The following RASGRP4 variants were observed in gnomAD, a reference collection of about 807,000 sequenced individuals.
The protein encoded by RASGRP4 is RAS guanyl releasing protein 4.
In RASGRP4, 52 loss-of-function variants were observed where a neutral mutation model predicts 84.4. That is an observed-to-expected ratio of 0.62 (90% CI 0.49 to 0.78). The LOEUF is 0.78. RASGRP4 is among the 30% of genes least tolerant of loss of function. The probability of loss-of-function intolerance (pLI) is 0.00; values close to 1 mark genes in which losing one functional copy is unlikely to be tolerated. For synonymous variants in RASGRP4, 356 were observed against 359.1 expected, an observed-to-expected ratio of 0.99 and a Z score of 0.10; for missense variants, 760 against 886.9, an observed-to-expected ratio of 0.86 and a Z score of 1.82.
intron 2 of RASGRP4, among the ~76,000 whole-genome samples, chr19:38,421,642 G>T (rs942783450): frequency 6.6e-6 from 1 of 152,012 alleles, no homozygotes; most frequent in Non-Finnish European, 1.5e-5. Flanking sequence ...AACCCAGGAG[G>T]TGGGGGTTGC....
chr19:38,425,564 C>T (rs1232147992), intron 1 of RASGRP4, among the ~76,000 whole-genome samples: 1 of 152,158 alleles, frequency 6.6e-6, no homozygotes, highest in African/African-American at 2.4e-5. Context: ...GACAGAAGGG[C>T]CAGCTTGCCC....
chr19:38,420,370 A>G (rs2145229285), intron 4 of RASGRP4, 108 bp from the exon 5 acceptor site: 1 of 1,164,096 alleles, frequency 8.6e-7, no homozygotes, highest in Non-Finnish European at 1.1e-6. Flanking sequence ...GGGTCTCTAA[A>G]TGTGTGTGGG....
chr19:38,421,180 G>A lies in RASGRP4; in HGVS notation c.229C>T (p.His77Tyr). The change falls in exon 3 of 17, where the codon CAC (histidine) becomes TAC (tyrosine). Residue 77 changes from histidine to tyrosine, a missense_variant. Coordinates refer to ENST00000615439, the MANE Select transcript of RASGRP4 (RefSeq NM_170604.3). ...QSFDSAGSLC[H>Y]EDHMLNMVLA... ...ACCATGTTGAGCATGTGGTCCTCGT[G>A]GCACAGGCTGCCAGCTGAATCTGGG... is the stretch of plus-strand genomic sequence containing the variant. 2 of 1,613,534 alleles carry A rather than the reference G, an allele frequency of 1.2e-6. No individual in the cohort carries two copies.
Position 38,418,655 on chromosome 19 carries a change from T to G in RASGRP4, c.664-91A>C. The stretch of plus-strand genomic sequence containing the variant: ...CTAGCAGTCACGATCTCTGATGTCC[T>G]AGCCTGGTCTAGCCGGAGTGACCTT... On this transcript the variant is annotated intron_variant, in intron 6 of 16. Transcript: ENST00000615439. This position sits in a 1 kb window ranked among gnomAD's most constrained non-coding sequence, Gnocchi z 4.6. 1 of 1,235,344 alleles carries G rather than the reference T, an allele frequency of 8.1e-7. No individual in the cohort carries two copies. The highest frequency in any genetic ancestry group is 1.1e-6 in the Non-Finnish European group (1 of 921,038). 76.5% of individuals were successfully genotyped at this position (1,235,344 alleles called of 1,614,324 possible).
chr19:38,415,371 ATTT>A (rs35862695), intron 8 of RASGRP4, among the ~76,000 whole-genome samples: 37 of 124,968 alleles, frequency 3.0e-4, no homozygotes, highest in African/African-American at 1.0e-3. Flanking sequence ...TTTCTTTTTG[ATTT>A]TTTTTTTTTT....
chr19:38,419,040 A>G (rs907345607), intron 6 of RASGRP4, among the ~76,000 whole-genome samples: 7 of 152,156 alleles, frequency 4.6e-5, no homozygotes, highest in Admixed American at 4.6e-4. Flanking sequence ...TTTCATACCC[A>G]CATCCACTAC....
Position 38,421,950 on chromosome 19 carries a change from C to T in RASGRP4, c.208+19G>A. On this transcript the variant is annotated intron_variant, in intron 2 of 16. Transcript: ENST00000615439. Reference sequence around the variant, plus strand: ...CCCGAGGTTAGGGCCAGGGAGGCTGCTGGGGAGAGGACACTTACCGAAGGA... The same window carrying T: ...CCCGAGGTTAGGGCCAGGGAGGCTGTTGGGGAGAGGACACTTACCGAAGGA... 6.2e-7 allele frequency: 1 copy of T among 1,600,812 alleles called. No individual in the cohort carries two copies. Among genetic ancestry groups the T allele is most frequent in the East Asian group, 2.2e-5 (1 of 44,474 alleles).
At chr19:38,425,272 G>A (rs1049663510) in intron 1 of RASGRP4, among the ~76,000 whole-genome samples, 1 of 152,116 alleles carries the variant, frequency 6.6e-6, no homozygotes, top group African/African-American at 2.4e-5. Flanking sequence ...CAGTTCTGAG[G>A]CTCGCTCCAG....
rs1163474939 is a variant in RASGRP4, at chr19:38,413,494, T to TA, written c.1231-21dup. On this transcript the variant is annotated intron_variant, in intron 9 of 16. Transcript: ENST00000615439. The surrounding 1 kb of genome is among the most constrained non-coding windows in gnomAD (Gnocchi z 4.7). ...GGAGAGCTGGAGCAGACAGGGGTGT[T>TA]ACGGATCCTCCCATCTATAGCCCTG... 1 of 1,572,362 alleles carries TA rather than the reference T, an allele frequency of 6.4e-7. No individual in the cohort carries two copies. Among genetic ancestry groups the TA allele is most frequent in the Non-Finnish European group, 8.6e-7 (1 of 1,157,164 alleles).
chr19:38,425,183 C>CAA (rs570185454), intron 1 of RASGRP4, among the ~76,000 whole-genome samples: 6 of 67,612 alleles, frequency 8.9e-5, no homozygotes, highest in South Asian at 5.2e-4. Flanking sequence ...GACTCCGTCT[C>CAA]AAAAAAAAAA....
At chr19:38,423,267 G>A (rs1971836478) in intron 1 of RASGRP4, among the ~76,000 whole-genome samples, 1 of 152,206 alleles carries the variant, frequency 6.6e-6, no homozygotes, top group East Asian at 1.9e-4. Flanking sequence ...GCTCACGCCT[G>A]TAATCCCAAA....
Position 38,420,075 on chromosome 19 carries a change from G to A in RASGRP4, c.509+56C>T. ...ACAGTTGAGGGCTTGGGGATATAGA[G>A]GGAGATGGCAGAATGGCGATGGGGC... On this transcript the variant is annotated intron_variant, in intron 5 of 16. Transcript: ENST00000615439. 4 of 1,608,516 alleles carry A rather than the reference G, an allele frequency of 2.5e-6. No homozygotes were observed. The South Asian group carries it at 4.4e-5, about 18-fold the overall frequency.
rs1373949612 is a variant in RASGRP4, at chr19:38,414,908, C to G, written c.1170G>C (p.Val390=). 1 of 1,610,650 alleles carries G rather than the reference C, an allele frequency of 6.2e-7. No individual in the cohort carries two copies. The highest frequency in any genetic ancestry group is 1.7e-5 in the Admixed American group (1 of 59,464). The change falls in exon 9 of 17, where the codon GTG becomes GTC. Residue 390 remains valine (V), a synonymous_variant. Coordinates refer to ENST00000615439, the MANE Select transcript of RASGRP4 (RefSeq NM_170604.3). Reference sequence around the variant, plus strand: ...AGGGTGGATGCTGCCCTTGGAGGGCCACCAGCTCCTGCAGCCGCAGGTAGA... The same window carrying G: ...AGGGTGGATGCTGCCCTTGGAGGGCGACCAGCTCCTGCAGCCGCAGGTAGA... The part of the protein sequence containing the change: ...NNLYLRLQEL[V]ALQGQHPPCS...
Position 38,418,262 on chromosome 19 carries a change from C to T in RASGRP4, c.837+129G>A, listed in dbSNP as rs1250039861. 3 of 951,100 alleles carry T rather than the reference C, an allele frequency of 3.2e-6. No individual in the cohort carries two copies. The highest frequency in any genetic ancestry group is 1.7e-5 in the African/African-American group (1 of 60,324). 58.9% of individuals were successfully genotyped at this position (951,100 alleles called of 1,614,324 possible). Reference sequence around the variant, plus strand: ...CTTGGTTGGAATGCCCAGGCTGTGGCCTCGGGGGCGGGGCCGGGAGATGCG... The same window carrying T: ...CTTGGTTGGAATGCCCAGGCTGTGGTCTCGGGGGCGGGGCCGGGAGATGCG... On this transcript the variant is annotated intron_variant, in intron 7 of 16. Coordinates refer to ENST00000615439, the MANE Select transcript of RASGRP4 (RefSeq NM_170604.3). This position sits in a 1 kb window ranked among gnomAD's most constrained non-coding sequence, Gnocchi z 4.6.
chr19:38,415,703 C>T (rs1328955320), intron 8 of RASGRP4, among the ~76,000 whole-genome samples: 3 of 151,850 alleles, frequency 2.0e-5, no homozygotes, highest in Non-Finnish European at 4.4e-5. Context: ...AGGCTAGGGT[C>T]TCACTCTGTC....
chr19:38,413,290 G>T lies in RASGRP4; in HGVS notation c.1319C>A (p.Ser440Tyr). The change falls in exon 11 of 17, where the codon TCC (serine) becomes TAC (tyrosine). Residue 440 changes from serine to tyrosine, a missense_variant. Transcript: ENST00000615439. This position sits in a 1 kb window ranked among gnomAD's most constrained non-coding sequence, Gnocchi z 4.7. ...CACCACCAGAGGTGCATTGAAGGGG[G>T]AGGGTGGCTGGGGCGGGGACAGAGG... ...EPRCPKSLPP[S>Y]PFNAPLVVEW... The T allele has an allele frequency of 6.2e-7, 1 of 1,613,596 alleles. No individual in the cohort carries two copies. The highest frequency in any genetic ancestry group is 8.5e-7 in the Non-Finnish European group (1 of 1,179,630).
chr19:38,412,665 T>C lies in RASGRP4; in HGVS notation c.1680+7A>G. ...ACCTAAGGGTGGTGATGGGGTGGGGTGCTCACGAAGCCACTGCAGCTGTCG... is the reference window on the plus strand; with the variant it reads ...ACCTAAGGGTGGTGATGGGGTGGGGCGCTCACGAAGCCACTGCAGCTGTCG... On this transcript the variant is annotated splice_region_variant and intron_variant, in intron 13 of 16. Coordinates refer to ENST00000615439, the MANE Select transcript of RASGRP4 (RefSeq NM_170604.3). This position sits in a 1 kb window ranked among gnomAD's most constrained non-coding sequence, Gnocchi z 4.6. 1 of 1,611,270 alleles carries C rather than the reference T, an allele frequency of 6.2e-7. No individual in the cohort carries two copies. The highest frequency in any genetic ancestry group is 1.1e-5 in the South Asian group (1 of 90,774).
chr19:38,422,167 C>T lies in RASGRP4; in HGVS notation c.24-14G>A. 1 of 1,598,354 alleles carries T rather than the reference C, an allele frequency of 6.3e-7. No homozygotes were observed. The highest frequency in any genetic ancestry group is 8.5e-7 in the Non-Finnish European group (1 of 1,172,400). ...TGGTGGGACTTCCTGTGGGCACAGCCCCCAAGGAGTCATGGGAGCACCTTC... is the reference window on the plus strand; with the variant it reads ...TGGTGGGACTTCCTGTGGGCACAGCTCCCAAGGAGTCATGGGAGCACCTTC... On this transcript the variant is annotated splice_polypyrimidine_tract_variant and intron_variant, in intron 1 of 16. Coordinates refer to ENST00000615439, the MANE Select transcript of RASGRP4 (RefSeq NM_170604.3).
intron 8 of RASGRP4, among the ~76,000 whole-genome samples, chr19:38,416,419 C>A (rs1600560375): frequency 7.1e-6 from 1 of 140,686 alleles, no homozygotes; most frequent in East Asian, 2.1e-4. Flanking sequence ...GCCGAGATTG[C>A]ACCACTGCAC....
Sources: allele counts gnomAD v4.1 joint callset (sites outside exome capture counted in the v4.1 genomes callset), GRCh38; gene constraint gnomAD v4.1.1; non-coding constraint Gnocchi (gnomAD v3.1); transcripts MANE v1.5; gene names NCBI Gene and HGNC (gene_info 2026-07-23, HGNC 2026-07-21).